Variants in NTM observed in about 807,000 individuals in gnomAD.
NTM encodes the protein IgLON family member 2.
In NTM, 13 loss-of-function variants were observed where a neutral mutation model predicts 42.1. The observed-to-expected ratio is 0.31, with a 90% CI of 0.20 to 0.49. The LOEUF (loss-of-function observed/expected upper bound fraction) is 0.49, where lower values mean the gene tolerates loss of function less well. NTM is among the 20% of genes least tolerant of loss of function. The pLI, the probability that NTM is intolerant of heterozygous loss-of-function variation, is 0.99. For synonymous variants in NTM, 187 were observed against 179.2 expected, an observed-to-expected ratio of 1.04 and a Z score of -0.35; for missense variants, 373 against 452.8, an observed-to-expected ratio of 0.82 and a Z score of 1.60.
At position 131,380,293 on chromosome 11, in the gene NTM, C is replaced by T. The variant is rs576839404; in HGVS notation, c.82+9405C>T. Among the ~76,000 whole-genome samples the T allele has an allele frequency of 9.9e-5, 15 of 151,412 alleles. No homozygotes were observed. In the East Asian group the frequency reaches 1.2e-3, roughly 12 times the overall value. On this transcript the variant is annotated intron_variant, in intron 1 of 8. Transcript: ENST00000683400. ...TGCCATCTCAGCTCACCTCAACCTC[C>T]GCCTCCCGGGTTCAAGCGATTCTCC...
intron 1 of NTM, among the ~76,000 whole-genome samples, chr11:131,443,420 T>A (rs1949780914): frequency 6.6e-6 from 1 of 152,138 alleles, no homozygotes; most frequent in Non-Finnish European, 1.5e-5. Context: ...AGAAAATATA[T>A]TTTCTTGGAA....
intron 1 of NTM, among the ~76,000 whole-genome samples, chr11:131,492,847 A>G (rs537910999): frequency 6.7e-4 from 102 of 152,300 alleles, no homozygotes; most frequent in African/African-American, 2.2e-3. Context: ...CTGAATACAT[A>G]AAAGTGTAGT....
intron 1 of NTM, among the ~76,000 whole-genome samples, chr11:131,651,593 G>C (rs1378965626): frequency 6.6e-6 from 1 of 152,182 alleles, no homozygotes; most frequent in Non-Finnish European, 1.5e-5. Flanking sequence ...TGTAATCCCA[G>C]CATTTTGAGA....
intron 1 of NTM, among the ~76,000 whole-genome samples, chr11:131,497,537 G>A (rs1279907109): frequency 6.6e-6 from 1 of 152,160 alleles, no homozygotes; most frequent in African/African-American, 2.4e-5. Flanking sequence ...CATGATGTGT[G>A]GTGCCCATGT....
intron 1 of NTM, among the ~76,000 whole-genome samples, chr11:131,382,915 C>CT (rs71475748): frequency 0.044 from 6,642 of 151,476 alleles, 153 homozygotes; most frequent in African/African-American, 0.056. Context: ...TAGTTTCATT[C>CT]TTTTTTTTTG....
At position 132,154,654 on chromosome 11, in the gene NTM, C is replaced by G. The variant is rs1441176252; in HGVS notation, c.400+8140C>G. ...ACAGCTGCAAGAAGCAGTCCCCAGC[C>G]CTCAGGTCCTCAGCAGCCTCCTACC... On this transcript the variant is annotated intron_variant, in intron 3 of 8. Transcript: ENST00000683400. 2.6e-5 allele frequency among the ~76,000 whole-genome samples: 4 copies of G among 152,246 alleles called. No homozygotes were observed. The East Asian group carries it at 7.7e-4, about 29-fold the overall frequency.
intron 1 of NTM, chr11:131,671,489 G>T (rs1048440551): frequency 1.0e-6 from 1 of 985,270 alleles, no homozygotes; most frequent in Admixed American, 6.2e-5. Context: ...ATCAGTGTTA[G>T]CCCTGGGCTG....
intron 1 of NTM, among the ~76,000 whole-genome samples, chr11:131,405,284 T>A (rs1162576906): frequency 6.6e-6 from 1 of 152,194 alleles, no homozygotes; most frequent in African/African-American, 2.4e-5. Context: ...TGCCCAGACC[T>A]TCCCCATGAA....
chr11:131,810,272 A>G (rs2092683457), intron 1 of NTM, among the ~76,000 whole-genome samples: 1 of 152,024 alleles, frequency 6.6e-6, no homozygotes, highest in African/African-American at 2.4e-5. Context: ...CCCTGTCCCC[A>G]TGTTGCTCAG....
At chr11:131,878,583 AAAAAAAAAAAAATATATATATAT>A (rs1489769795) in intron 1 of NTM, among the ~76,000 whole-genome samples, 6 of 54,018 alleles carry the variant, frequency 1.1e-4, no homozygotes, top group African/African-American at 4.2e-4. Flanking sequence ...AAAAAAAAAA[AAAAAAAAAAAAATATATATATAT>A]ATATATATAT....
chr11:131,550,282 C>CA (rs1592019831), intron 1 of NTM, among the ~76,000 whole-genome samples: 1 of 152,136 alleles, frequency 6.6e-6, no homozygotes, highest in East Asian at 1.9e-4. Flanking sequence ...CCCACCTCTA[C>CA]AAAAAATTTA....
At chr11:131,482,584 C>A (rs1018977169) in intron 1 of NTM, among the ~76,000 whole-genome samples, 1 of 152,182 alleles carries the variant, frequency 6.6e-6, no homozygotes, top group Admixed American at 6.5e-5. Flanking sequence ...GAATCATTAA[C>A]GTGAATCTTC....
intron 1 of NTM, among the ~76,000 whole-genome samples, chr11:131,501,187 A>G (rs994651478): frequency 6.6e-6 from 1 of 152,134 alleles, no homozygotes; most frequent in South Asian, 2.1e-4. Context: ...GGGGAGGGTA[A>G]CAGACAGCTT....
chr11:132,145,708 T>A (rs939543752), intron 2 of NTM, among the ~76,000 whole-genome samples: 2 of 152,172 alleles, frequency 1.3e-5, no homozygotes, highest in Non-Finnish European at 2.9e-5. Context: ...TGTATTTAGT[T>A]TTGACTGCAG....
intron 7 of NTM, among the ~76,000 whole-genome samples, chr11:132,325,328 A>G (rs951191346): frequency 6.6e-6 from 1 of 151,378 alleles, no homozygotes; most frequent in African/African-American, 2.4e-5. Context: ...TTACAAGAAA[A>G]AAACAACCCC....
chr11:132,163,516 C>T (rs779263526), intron 3 of NTM, among the ~76,000 whole-genome samples: 5 of 152,176 alleles, frequency 3.3e-5, no homozygotes, highest in Non-Finnish European at 5.9e-5. Flanking sequence ...CAGCCCTGTG[C>T]GATAGATGCT....
chr11:131,714,351 G>C (rs2077471825), intron 1 of NTM, among the ~76,000 whole-genome samples: 1 of 151,984 alleles, frequency 6.6e-6, no homozygotes, highest in Non-Finnish European at 1.5e-5. Flanking sequence ...ACCATGCCTG[G>C]CTAATTTTTT....
intron 1 of NTM, among the ~76,000 whole-genome samples, chr11:131,483,510 G>A (rs1417601318): frequency 6.6e-6 from 1 of 152,192 alleles, no homozygotes; most frequent in African/African-American, 2.4e-5. Flanking sequence ...TATAATAAAA[G>A]GAATGGTGAA....
At position 131,404,563 on chromosome 11, in the gene NTM, A is replaced by G. The variant is rs1345515697; in HGVS notation, c.82+33675A>G. Among the ~76,000 whole-genome samples, 6 of 152,212 alleles carry G rather than the reference A, an allele frequency of 3.9e-5. No individual in the cohort carries two copies. In the South Asian group the frequency reaches 1.2e-3, roughly 32 times the overall value. On this transcript the variant is annotated intron_variant, in intron 1 of 8. Transcript: ENST00000683400. ...GACCTCTATATACTGGTGACTGCCAATTTTACATCACTGCCCAGACCTTCC... is the reference window on the plus strand; with the variant it reads ...GACCTCTATATACTGGTGACTGCCAGTTTTACATCACTGCCCAGACCTTCC...
Sources: allele counts gnomAD v4.1 joint callset (sites outside exome capture counted in the v4.1 genomes callset), GRCh38; gene constraint gnomAD v4.1.1; transcripts MANE v1.5; gene names NCBI Gene and HGNC (gene_info 2026-07-23, HGNC 2026-07-21).